The following SHISAL2A variants were observed in gnomAD, a reference collection of about 807,000 sequenced individuals.
SHISAL2A encodes the protein shisa like 2A, also known as protein shisa-like-2A.
Under a neutral mutation model 11.5 loss-of-function variants are expected in SHISAL2A, and 18 were observed. The observed-to-expected ratio is 1.57, with a 90% CI of 1.08 to 2.33. SHISAL2A has a LOEUF of 2.33. Among genes scored for constraint, SHISAL2A ranks in the 30% most tolerant of loss-of-function variants. SHISAL2A has a pLI of 0.00. For missense variants in SHISAL2A, 261 were observed against 250.9 expected, an observed-to-expected ratio of 1.04 and a Z score of -0.27; for synonymous variants, 94 against 99.6, an observed-to-expected ratio of 0.94 and a Z score of 0.34.
At position 52,633,486 on chromosome 1, in the gene SHISAL2A, G is replaced by A. The variant is rs1426768647; in HGVS notation, c.-8G>A. ...CCCGAGGTGGCGGCGGGCTGGGCGCGGGGCGCGATGAGCGGCGCCTGCACG... is the reference window on the plus strand; with the variant it reads ...CCCGAGGTGGCGGCGGGCTGGGCGCAGGGCGCGATGAGCGGCGCCTGCACG... On this transcript the variant is annotated 5_prime_UTR_variant, in exon 1 of 3. Transcript: ENST00000517870. The surrounding 1 kb of genome is among the most constrained non-coding windows in gnomAD (Gnocchi z 6.4). 3.4e-6 allele frequency: 5 copies of A among 1,488,996 alleles called. No individual in the cohort carries two copies. The highest frequency in any genetic ancestry group is 4.4e-6 in the Non-Finnish European group (5 of 1,126,314). The allele number at this position is 1,488,996 out of a possible 1,614,324, so 92.2% of individuals were successfully genotyped here.
At chr1:52,661,262 C>G (rs373391271), downstream of SHISAL2A, among the ~76,000 whole-genome samples, 1 of 152,328 alleles carries the variant, frequency 6.6e-6, no homozygotes. Flanking sequence ...TTTGTGAGCA[C>G]TTGCTTCCTG....
intron 1 of SHISAL2A, among the ~76,000 whole-genome samples, chr1:52,641,850 C>G (rs925802868): frequency 6.6e-6 from 1 of 151,972 alleles, no homozygotes; most frequent in Admixed American, 6.6e-5. Context: ...TGCCTGTAAT[C>G]TCAGCACTTT....
intron 2 of SHISAL2A, among the ~76,000 whole-genome samples, chr1:52,651,841 C>T: frequency 6.6e-6 from 1 of 152,142 alleles, no homozygotes; most frequent in East Asian, 1.9e-4. Context: ...TAGACAGAAT[C>T]CTTCAGAACT....
At chr1:52,635,381 G>A (rs764036251) in intron 1 of SHISAL2A, among the ~76,000 whole-genome samples, 3 of 150,504 alleles carry the variant, frequency 2.0e-5, no homozygotes, top group Middle Eastern at 3.5e-3. Context: ...CAGAGAATTC[G>A]GAGACTATGG....
At position 52,640,622 on chromosome 1, in the gene SHISAL2A, A is replaced by C. The variant is rs147898221; in HGVS notation, c.183-2241A>C. ...ACTCTGTCTCAAAACAAAAAAAAAA[A>C]CAAACAAAAAAAAACATATTTGGTC... is the stretch of plus-strand genomic sequence containing the variant. On this transcript the variant is annotated intron_variant, in intron 1 of 2. Coordinates refer to ENST00000517870, the MANE Select transcript of SHISAL2A (RefSeq NM_001042693.3). Among the ~76,000 whole-genome samples, 185 of 152,008 alleles carry C rather than the reference A, an allele frequency of 1.2e-3. 1 individual carries two copies. The highest frequency in any genetic ancestry group is 4.1e-3 in the African/African-American group (171 of 41,456).
intron 4 of SHISAL2A, among the ~76,000 whole-genome samples, chr1:52,664,597 A>G (rs1181263385): frequency 1.3e-5 from 2 of 152,110 alleles, no homozygotes; most frequent in African/African-American, 4.8e-5. Context: ...ACCTCAGGTG[A>G]TCTGCCCGCC....
At chr1:52,640,875 A>G (rs972431584) in intron 1 of SHISAL2A, among the ~76,000 whole-genome samples, 2 of 152,168 alleles carry the variant, frequency 1.3e-5, no homozygotes, top group African/African-American at 4.8e-5. Context: ...GAAACCAACC[A>G]TGTGATTAGA....
At chr1:52,632,922 G>T (rs1691157180), upstream of SHISAL2A, among the ~76,000 whole-genome samples, 1 of 151,900 alleles carries the variant, frequency 6.6e-6, no homozygotes, top group Non-Finnish European at 1.5e-5. Flanking sequence ...TTTTGCGGAG[G>T]TTGGGTGAGG....
chr1:52,646,602 A>G (rs1691507052), intron 2 of SHISAL2A, among the ~76,000 whole-genome samples: 1 of 152,086 alleles, frequency 6.6e-6, no homozygotes, highest in Non-Finnish European at 1.5e-5. Context: ...TAACGTCAGC[A>G]TCAATACTCA....
chr1:52,669,483 T>C (rs112045426), exon 6 of SHISAL2A: 14,770 of 151,778 alleles, frequency 0.097, 1,544 homozygotes, highest in African/African-American at 0.26. Context: ...CTGGCCAACA[T>C]GGTGAAACCC....
intron 1 of SHISAL2A, among the ~76,000 whole-genome samples, chr1:52,634,830 A>G (rs943696743): frequency 1.3e-5 from 2 of 152,160 alleles, no homozygotes; most frequent in African/African-American, 4.8e-5. Flanking sequence ...CATCTATCAA[A>G]CGGGCAGTAG....
intron 4 of SHISAL2A, among the ~76,000 whole-genome samples, chr1:52,667,074 T>C (rs1326815473): frequency 2.0e-5 from 3 of 152,208 alleles, no homozygotes; most frequent in Non-Finnish European, 2.9e-5. Flanking sequence ...CCCACATAGC[T>C]TGGAATTCCT....
At chr1:52,662,262 A>C (rs986663520) in intron 4 of SHISAL2A, among the ~76,000 whole-genome samples, 4 of 152,146 alleles carry the variant, frequency 2.6e-5, no homozygotes, top group African/African-American at 9.7e-5. Flanking sequence ...CTTAATCTTG[A>C]TGGACCATGG....
downstream of SHISAL2A, among the ~76,000 whole-genome samples, chr1:52,657,950 C>T (rs1018310411): frequency 1.3e-5 from 2 of 152,204 alleles, no homozygotes; most frequent in Non-Finnish European, 2.9e-5. Flanking sequence ...AGTCCCTTGT[C>T]TTCCTGAGCC....
At chr1:52,655,913 CT>C (rs1691781821) in intron 2 of SHISAL2A, among the ~76,000 whole-genome samples, 1 of 152,150 alleles carries the variant, frequency 6.6e-6, no homozygotes, top group Non-Finnish European at 1.5e-5. Flanking sequence ...AGATGAAAGC[CT>C]GATCTAAGGT....
chr1:52,659,138 T>A (rs187129383), downstream of SHISAL2A, among the ~76,000 whole-genome samples: 2 of 152,060 alleles, frequency 1.3e-5, no homozygotes, highest in East Asian at 3.9e-4. Flanking sequence ...AGATCATAGC[T>A]CACTGCAACC....
chr1:52,640,862 G>A (rs757875004), intron 1 of SHISAL2A, among the ~76,000 whole-genome samples: 2 of 152,128 alleles, frequency 1.3e-5, no homozygotes, highest in Non-Finnish European at 2.9e-5. Context: ...GCTGGTTGCC[G>A]GGGAAACCAA....
intron 2 of SHISAL2A, among the ~76,000 whole-genome samples, chr1:52,654,931 C>G (rs949102757): frequency 1.3e-5 from 2 of 152,118 alleles, no homozygotes; most frequent in Non-Finnish European, 2.9e-5. Context: ...GCCTGTAATC[C>G]CAGCACTTTG....
chr1:52,663,943 A>C (rs981462475), intron 4 of SHISAL2A, among the ~76,000 whole-genome samples: 1 of 152,178 alleles, frequency 6.6e-6, no homozygotes, highest in Admixed American at 6.5e-5. Flanking sequence ...AGAATGTACC[A>C]ACCCTGATTA....
Sources: allele counts gnomAD v4.1 joint callset (sites outside exome capture counted in the v4.1 genomes callset), GRCh38; gene constraint gnomAD v4.1.1; non-coding constraint Gnocchi (gnomAD v3.1); transcripts MANE v1.5; gene names NCBI Gene and HGNC (gene_info 2026-07-23, HGNC 2026-07-21).